The following FREM1 variants were observed in gnomAD, a reference collection of about 807,000 sequenced individuals.
The protein encoded by FREM1 is FRAS1-related extracellular matrix protein 1.
Under a neutral mutation model 210.1 loss-of-function variants are expected in FREM1, and 220 were observed. That is an observed-to-expected ratio of 1.05 (90% confidence interval 0.94 to 1.17). The LOEUF (loss-of-function observed/expected upper bound fraction) is 1.17, where lower values mean the gene tolerates loss of function less well. Ranked by LOEUF, FREM1 falls within the 50% of genes most tolerant of loss-of-function variation. The probability of loss-of-function intolerance (pLI) is 0.00; values close to 1 mark genes in which losing one functional copy is unlikely to be tolerated. For missense variants in FREM1, 3,454 were observed against 2,675.5 expected (o/e 1.29, Z -6.42); for synonymous variants, 1,189 against 980.2 (o/e 1.21, Z -3.98).
chr9:14,807,823 G>A, intron 17 of FREM1, 117 bp downstream of exon 17: 1 of 757,394 alleles, frequency 1.3e-6, no homozygotes, highest in Non-Finnish European at 2.1e-6. Context: ...ATTATTGAAG[G>A]ACAATTCCAT....
chr9:14,782,840 A>C (rs188147569), intron 24 of FREM1, among the ~76,000 whole-genome samples: 1 of 152,324 alleles, frequency 6.6e-6, no homozygotes, highest in African/African-American at 2.4e-5. Flanking sequence ...AGGTGCTACG[A>C]GCATCATTCC....
At position 14,851,477 on chromosome 9, in the gene FREM1, A is replaced by G. The variant is rs1451121325; in HGVS notation, c.959T>C (p.Leu320Pro). The G allele has an allele frequency of 1.2e-6, 2 of 1,614,044 alleles. No homozygotes were observed. Among genetic ancestry groups the G allele is most frequent in the East Asian group, 2.2e-5 (1 of 44,880 alleles). The change falls in exon 6 of 37, where the codon CTG (leucine) becomes CCG (proline). Residue 320 changes from leucine to proline, a missense_variant. Physicochemically the swap from Leu to Pro is moderately conservative, Grantham distance 98. Coordinates refer to ENST00000380880, the MANE Select transcript of FREM1 (RefSeq NM_001379081.2). ...FILTSLTTSV[L>P]DCEEDETPKP... ...AGGGGTCTCATCTTCTTCACAGTCC[A>G]GAACTGATGTAGTCAAGGAGGTCAG...
intron 27 of FREM1, among the ~76,000 whole-genome samples, chr9:14,761,818 C>A (rs1349836912): frequency 1.3e-5 from 2 of 152,166 alleles, no homozygotes; most frequent in Non-Finnish European, 1.5e-5. Flanking sequence ...TGACTGCCAG[C>A]CACAGTGTCA....
In FREM1 at chr9:14,771,949, A is replaced by G. The variant is rs142811507; in HGVS notation, c.4858-1143T>C. On this transcript the variant is annotated intron_variant, in intron 25 of 36. Transcript: ENST00000380880. ...GTTAAAAATATATATTTATCTATACATAATGTTTGTATAGACATAGGCAAA... is the reference window on the plus strand; with the variant it reads ...GTTAAAAATATATATTTATCTATACGTAATGTTTGTATAGACATAGGCAAA... Among the ~76,000 whole-genome samples, 366 of 152,198 alleles carry G rather than the reference A, an allele frequency of 2.4e-3. 1 individual carries two copies. The highest frequency in any genetic ancestry group is 0.01 in the Middle Eastern group (3 of 294).
intron 20 of FREM1, 65 bp downstream of exon 20, chr9:14,801,587 A>G (rs1465286513): frequency 1.8e-6 from 2 of 1,128,464 alleles, no homozygotes; most frequent in Middle Eastern, 2.0e-4. Flanking sequence ...TAGATTTCAC[A>G]TATAAGTATG....
intron 4 of FREM1, among the ~76,000 whole-genome samples, chr9:14,858,721 C>T (rs893620869): frequency 6.6e-6 from 1 of 152,132 alleles, no homozygotes; most frequent in Non-Finnish European, 1.5e-5. Context: ...ATAAACTCTT[C>T]CTAATTTCGT....
At chr9:14,793,213 CACA>C (rs1851731949) in intron 21 of FREM1, among the ~76,000 whole-genome samples, 1 of 152,190 alleles carries the variant, frequency 6.6e-6, no homozygotes, top group Non-Finnish European at 1.5e-5. Flanking sequence ...ATTTTACACT[CACA>C]ACAACAGCTC....
chr9:14,769,545 T>A (rs1002806564), intron 27 of FREM1, among the ~76,000 whole-genome samples, 179 bp downstream of exon 27: 2 of 152,196 alleles, frequency 1.3e-5, no homozygotes, highest in African/African-American at 4.8e-5. Context: ...CTGGCTTTCC[T>A]ATTTTCAAGC....
chr9:14,825,561 A>ATATATATATATATATATATATATG (rs757382702), intron 10 of FREM1, among the ~76,000 whole-genome samples: 1 of 129,262 alleles, frequency 7.7e-6, no homozygotes, highest in Non-Finnish European at 1.6e-5. Flanking sequence ...ATATATATAT[A>ATATATATATATATATATATATATG]TATATATATA....
intron 8 of FREM1, among the ~76,000 whole-genome samples, chr9:14,844,212 C>G (rs1381277369): frequency 6.9e-6 from 1 of 145,820 alleles, no homozygotes; most frequent in African/African-American, 2.5e-5. Context: ...TCTTCAGATA[C>G]TTACAACTCT....
At chr9:14,808,709 A>G (rs1818824871) in intron 16 of FREM1, among the ~76,000 whole-genome samples, 1 of 152,228 alleles carries the variant, frequency 6.6e-6, no homozygotes, top group South Asian at 2.1e-4. Context: ...AGTCTGTGGA[A>G]AAGAAGAGGC....
intron 1 of FREM1, among the ~76,000 whole-genome samples, chr9:14,878,884 G>A (rs1834269304): frequency 6.6e-6 from 1 of 152,054 alleles, no homozygotes; most frequent in Non-Finnish European, 1.5e-5. Context: ...GGCCAAGCAC[G>A]GTGGCTCATA....
intron 24 of FREM1, among the ~76,000 whole-genome samples, chr9:14,781,689 C>A (rs1050853687): frequency 6.6e-6 from 1 of 152,074 alleles, no homozygotes; most frequent in African/African-American, 2.4e-5. Flanking sequence ...CTCTGGGAGG[C>A]CCTAAAAAGG....
chr9:14,905,434 C>T (rs575018515), intron 1 of FREM1, among the ~76,000 whole-genome samples: 2 of 152,280 alleles, frequency 1.3e-5, no homozygotes, highest in South Asian at 4.1e-4. Context: ...TTGAGAAAAA[C>T]AAAATGATGC....
intron 27 of FREM1, 73 bp from the exon 28 acceptor site, chr9:14,759,974 C>T: frequency 7.7e-7 from 1 of 1,299,634 alleles, no homozygotes; most frequent in Non-Finnish European, 1.0e-6. Flanking sequence ...GCTGAGCGGA[C>T]TAGTGGAAAA....
intron 5 of FREM1, among the ~76,000 whole-genome samples, chr9:14,856,973 T>A (rs1828874800): frequency 1.3e-5 from 2 of 152,138 alleles, no homozygotes; most frequent in African/African-American, 4.8e-5. Flanking sequence ...CCACTTTCTG[T>A]CATTATTTCA....
rs147487618 is a variant in FREM1, at chr9:14,859,009, T to A, written c.631+174A>T. Among the ~76,000 whole-genome samples the A allele has an allele frequency of 2.1e-3, 324 of 152,296 alleles. 3 individuals carry two copies. Among genetic ancestry groups the A allele is most frequent in the East Asian group, 0.014 (70 of 5,182 alleles). On this transcript the variant is annotated intron_variant, in intron 4 of 36. Transcript: ENST00000380880. ...AGAAAATAAAGAACAGATGAAGTTC[T>A]CAAAACCAGGTCTTTCTGATTGTAA...
At chr9:14,829,851 G>C (rs1039323028) in intron 10 of FREM1, among the ~76,000 whole-genome samples, 7 of 152,120 alleles carry the variant, frequency 4.6e-5, no homozygotes, top group Non-Finnish European at 1.0e-4. Flanking sequence ...TAAGCCTTAA[G>C]AGATCTTAAT....
chr9:14,750,539 T>C (rs902437210), intron 29 of FREM1, among the ~76,000 whole-genome samples: 1 of 151,904 alleles, frequency 6.6e-6, no homozygotes, highest in African/African-American at 2.4e-5. Flanking sequence ...AAAAAAAAAA[T>C]GGTTATTAGA....
Sources: gnomAD v4.1 joint callset for allele counts (sites outside exome capture counted in the v4.1 genomes callset) on GRCh38, gnomAD v4.1.1 for gene constraint, MANE v1.5 for transcripts, NCBI Gene and HGNC (gene_info 2026-07-23, HGNC 2026-07-21) for gene names.